DGKB: variants seen among roughly 807,000 people sequenced by gnomAD.
DGKB encodes the protein diacylglycerol kinase beta, also known as 90 kDa diacylglycerol kinase.
DGKB carries 67 observed loss-of-function variants against 114.3 expected under a neutral mutation model. The ratio of observed to expected loss-of-function variants is 0.59; its 90% CI spans 0.48 to 0.72. DGKB has a LOEUF of 0.72. Among genes scored for constraint, DGKB ranks in the 30% least tolerant of loss-of-function variants. The probability of loss-of-function intolerance (pLI) is 0.00; values close to 1 mark genes in which losing one functional copy is unlikely to be tolerated. For synonymous variants in DGKB, 398 were observed against 323.1 expected (o/e 1.23, Z -2.49); for missense variants, 907 against 975.2 (o/e 0.93, Z 0.93).
At chr7:14,283,126 C>A (rs1202757798) in intron 23 of DGKB, among the ~76,000 whole-genome samples, 1 of 151,654 alleles carries the variant, frequency 6.6e-6, no homozygotes, top group Non-Finnish European at 1.5e-5. Context: ...ACTGTCTCAG[C>A]CCAAAATCTC....
chr7:14,890,384 G>A (rs1013212960), intron 1 of DGKB, among the ~76,000 whole-genome samples: 1 of 151,374 alleles, frequency 6.6e-6, no homozygotes, highest in Non-Finnish European at 1.5e-5. Flanking sequence ...AAATCCATTT[G>A]AAGCTACAGT....
At position 14,540,801 on chromosome 7, in the gene DGKB, T is replaced by C. The variant is rs148421180; in HGVS notation, c.1770+33411A>G. 2.0e-5 allele frequency among the ~76,000 whole-genome samples: 3 copies of C among 152,288 alleles called. No homozygotes were observed. The East Asian group carries it at 5.8e-4, about 29-fold the overall frequency. ...AAACACATAAGCAGTAACAGGCAAA[T>C]GATATGAATATATTGGCTGAGGGGA... On this transcript the variant is annotated intron_variant, in intron 20 of 25. Transcript: ENST00000402815.
intron 14 of DGKB, among the ~76,000 whole-genome samples, chr7:14,626,802 A>G (rs1808681283): frequency 6.6e-6 from 1 of 152,204 alleles, no homozygotes; most frequent in Non-Finnish European, 1.5e-5. Flanking sequence ...AATATAATAA[A>G]CGATATAAGG....
chr7:14,789,166 A>G (rs552024737), intron 2 of DGKB, among the ~76,000 whole-genome samples: 1 of 151,874 alleles, frequency 6.6e-6, no homozygotes, highest in East Asian at 1.9e-4. Context: ...TCCTTTCCTC[A>G]TTTTCTCTAA....
At chr7:14,886,474 C>A (rs946964871) in intron 1 of DGKB, among the ~76,000 whole-genome samples, 2 of 151,742 alleles carry the variant, frequency 1.3e-5, no homozygotes, top group African/African-American at 4.8e-5. Context: ...TGCTCGAACT[C>A]TCTCTCTCAA....
At chr7:14,840,849 C>T (rs1847840419) in intron 2 of DGKB, among the ~76,000 whole-genome samples, 2 of 151,936 alleles carry the variant, frequency 1.3e-5, no homozygotes, top group Non-Finnish European at 2.9e-5. Flanking sequence ...ACTCTCTGCG[C>T]CCGTTTGTCC....
intron 23 of DGKB, among the ~76,000 whole-genome samples, chr7:14,226,943 G>T (rs1045635721): frequency 7.2e-5 from 11 of 151,984 alleles, no homozygotes; most frequent in African/African-American, 2.4e-4. Flanking sequence ...TCACTGTGTT[G>T]CCCAGGCTGC....
At chr7:14,784,677 T>G (rs570340067) in intron 2 of DGKB, among the ~76,000 whole-genome samples, 1 of 152,204 alleles carries the variant, frequency 6.6e-6, no homozygotes, top group African/African-American at 2.4e-5. Context: ...GCACCCAGTT[T>G]ATATGCTATT....
chr7:14,806,224 GATGTTT>G (rs1196345220), intron 2 of DGKB, among the ~76,000 whole-genome samples: 1 of 151,918 alleles, frequency 6.6e-6, no homozygotes, highest in African/African-American at 2.4e-5. Flanking sequence ...GCTATGTTGT[GATGTTT>G]ATAAAGATCA....
chr7:14,201,716 G>C (rs1785922068), intron 23 of DGKB, among the ~76,000 whole-genome samples: 1 of 151,942 alleles, frequency 6.6e-6, no homozygotes, highest in Admixed American at 6.6e-5. Flanking sequence ...TCCACATGGA[G>C]CTCTCTATAG....
intron 23 of DGKB, among the ~76,000 whole-genome samples, chr7:14,247,135 G>C (rs751459612): frequency 2.0e-5 from 3 of 152,002 alleles, no homozygotes; most frequent in Non-Finnish European, 4.4e-5. Flanking sequence ...ATGTCCTCTA[G>C]GTACATGTGT....
chr7:14,404,941 C>T (rs566720401), intron 21 of DGKB, among the ~76,000 whole-genome samples: 1 of 151,914 alleles, frequency 6.6e-6, no homozygotes, highest in East Asian at 1.9e-4. Context: ...CCCATCCTCT[C>T]CCTGGTTAAT....
chr7:14,356,355 T>C (rs1454108572), intron 21 of DGKB, among the ~76,000 whole-genome samples: 1 of 129,482 alleles, frequency 7.7e-6, no homozygotes, highest in African/African-American at 2.9e-5. Flanking sequence ...TCTAGTTCTT[T>C]TTTTTTTTTT....
At chr7:14,561,703 T>C (rs760670445) in intron 20 of DGKB, among the ~76,000 whole-genome samples, 2 of 152,170 alleles carry the variant, frequency 1.3e-5, no homozygotes, top group Non-Finnish European at 2.9e-5. Context: ...TCTGTGGGGC[T>C]TTGAACTTGA....
At chr7:14,234,069 T>G (rs778917060) in intron 23 of DGKB, among the ~76,000 whole-genome samples, 4 of 152,086 alleles carry the variant, frequency 2.6e-5, no homozygotes, top group Non-Finnish European at 4.4e-5. Flanking sequence ...CCTTCTGAGC[T>G]ACAAACCTCT....
intron 21 of DGKB, among the ~76,000 whole-genome samples, chr7:14,373,252 G>C (rs905135729): frequency 6.6e-6 from 1 of 152,182 alleles, no homozygotes; most frequent in Admixed American, 6.5e-5. Flanking sequence ...TTTTGGGGCT[G>C]TTTGTTACCT....
intron 1 of DGKB, among the ~76,000 whole-genome samples, chr7:14,960,698 T>C (rs1786790031): frequency 6.6e-6 from 1 of 152,082 alleles, no homozygotes; most frequent in Non-Finnish European, 1.5e-5. Context: ...TAAACTTTAT[T>C]TGCTACCAAC....
At chr7:14,888,635 A>C (rs576222865) in intron 1 of DGKB, among the ~76,000 whole-genome samples, 1 of 151,884 alleles carries the variant, frequency 6.6e-6, no homozygotes, top group African/African-American at 2.4e-5. Context: ...GAATACCAAT[A>C]AAAGACTGAG....
intron 1 of DGKB, among the ~76,000 whole-genome samples, chr7:14,852,622 T>G (rs1849565590): frequency 6.6e-6 from 1 of 152,062 alleles, no homozygotes; most frequent in South Asian, 2.1e-4. Context: ...ATAAAAATTT[T>G]CCTAATACAA....
Sources: gnomAD v4.1 joint callset for allele counts (sites outside exome capture counted in the v4.1 genomes callset) on GRCh38, gnomAD v4.1.1 for gene constraint, MANE v1.5 for transcripts, NCBI Gene and HGNC (gene_info 2026-07-23, HGNC 2026-07-21) for gene names.